Variants in RGPD3 observed in about 807,000 individuals in gnomAD.
RGPD3 encodes the protein RANBP2 like and GRIP domain containing 3.
Under a neutral mutation model 154.5 loss-of-function variants are expected in RGPD3, and 62 were observed. That is an observed-to-expected ratio of 0.40 (90% confidence interval 0.33 to 0.50). RGPD3 has a LOEUF of 0.50. RGPD3 is among the 20% of genes least tolerant of loss of function. The pLI, the probability that RGPD3 is intolerant of heterozygous loss-of-function variation, is 0.59. For missense variants in RGPD3, 919 were observed against 1,716.8 expected (o/e 0.54, Z 8.21); for synonymous variants, 308 against 607.0 (o/e 0.51, Z 7.24).
chr2:106,406,590 TAAAG>T (rs1676521668), intron 22 of RGPD3, among the ~76,000 whole-genome samples: 2 of 149,098 alleles, frequency 1.3e-5, no homozygotes, highest in Non-Finnish European at 3.0e-5. Flanking sequence ...TTAGCAATTT[TAAAG>T]AAAGTTTCTA....
At chr2:106,469,943 G>T (rs563992399), upstream of RGPD3, among the ~76,000 whole-genome samples, 4 of 151,990 alleles carry the variant, frequency 2.6e-5, no homozygotes, top group East Asian at 5.8e-4. Context: ...GCATTCAGAA[G>T]AAAACCACCT....
chr2:106,413,185 A>T lies in RGPD3; in HGVS notation c.5165T>A (p.Phe1722Tyr). ...CTCTCTTTCACTACCTGGCTTCAAG[A>T]AAATGAACTGCAGCAAGACGTTCTT... ...HLKNVLLQFI[F>Y]LKPGSERERL... The change falls in exon 22 of 23, where the codon TTC becomes TAC. Residue 1722 changes from phenylalanine to tyrosine, a missense_variant. Transcript: ENST00000409886. The T allele has an allele frequency of 6.2e-7, 1 of 1,611,976 alleles. No homozygotes were observed. Among genetic ancestry groups the T allele is most frequent in the Non-Finnish European group, 8.5e-7 (1 of 1,179,858 alleles).
Position 106,432,930 on chromosome 2 carries a change from C to CT in RGPD3, c.2469+4dup. 6.3e-7 allele frequency: 1 copy of CT among 1,590,842 alleles called. No homozygotes were observed. Among genetic ancestry groups the CT allele is most frequent in the Non-Finnish European group, 8.5e-7 (1 of 1,173,804 alleles). Reference sequence around the variant, plus strand: ...AAGTACAGCTAGAGAAATTAAGTGACTTACCTTAATGGCCTTTACTTCTTG... The same window carrying CT: ...AAGTACAGCTAGAGAAATTAAGTGACTTTACCTTAATGGCCTTTACTTCTTG... On this transcript the variant is annotated splice_donor_region_variant and intron_variant, in intron 17 of 22. Transcript: ENST00000409886.
upstream of RGPD3, chr2:106,468,430 G>T: frequency 1.3e-6 from 2 of 1,484,084 alleles, no homozygotes; most frequent in South Asian, 1.2e-5. Context: ...CTTGTGTCCT[G>T]CGTCAACAGT....
intron 20 of RGPD3, among the ~76,000 whole-genome samples, chr2:106,420,771 T>G (rs1676959099): frequency 1.3e-5 from 2 of 152,240 alleles, no homozygotes; most frequent in Non-Finnish European, 2.9e-5. Context: ...ACTAGAAAAT[T>G]TATTTATTTA....
chr2:106,410,571 T>G (rs1676638908), intron 22 of RGPD3, among the ~76,000 whole-genome samples: 1 of 152,186 alleles, frequency 6.6e-6, no homozygotes, highest in Admixed American at 6.5e-5. Flanking sequence ...TATTTTGAGA[T>G]AATATCATTG....
chr2:106,410,272 C>T (rs1360487510), intron 22 of RGPD3, among the ~76,000 whole-genome samples: 2 of 152,272 alleles, frequency 1.3e-5, no homozygotes, highest in African/African-American at 4.8e-5. Context: ...TATGTACTCA[C>T]ATTGATAAGA....
intron 2 of RGPD3, among the ~76,000 whole-genome samples, chr2:106,458,336 G>T (rs1678297012): frequency 6.6e-6 from 1 of 151,460 alleles, no homozygotes; most frequent in South Asian, 2.1e-4. Context: ...AGGTACAAGA[G>T]TTAACAGTCA....
chr2:106,468,217 C>A lies in RGPD3; in HGVS notation c.72G>T (p.Lys24Asn), dbSNP rs1400848939. The change falls in exon 1 of 23, where the codon AAG (lysine) becomes AAT (asparagine). Residue 24 changes from lysine (K) to asparagine (N), a missense_variant and splice_region_variant. Lys to Asn is a moderately conservative substitution (Grantham distance 94). Coordinates refer to ENST00000409886, the MANE Select transcript of RGPD3 (RefSeq NM_001144013.2). ...SVQGSAPSPR[K>N]KSTRGFYFAK... Reference sequence around the variant, plus strand: ...GTCGGTCTCTTCCAGACCCACTCACCTTTCGAGGCGACGGGGCGGAGCCCT... The same window carrying A: ...GTCGGTCTCTTCCAGACCCACTCACATTTCGAGGCGACGGGGCGGAGCCCT... The A allele has an allele frequency of 3.1e-6, 5 of 1,604,964 alleles. No individual in the cohort carries two copies. Among genetic ancestry groups the A allele is most frequent in the Non-Finnish European group, 4.2e-6 (5 of 1,176,918 alleles).
Position 106,468,339 on chromosome 2 carries a change from C to A in RGPD3, c.-51G>T. ...TGCGTGAGACCAGCGCTCAGCCCCG[C>A]AGCAGTCGCCAATTCCAAGAGGAAA... On this transcript the variant is annotated 5_prime_UTR_variant, in exon 1 of 23. Coordinates refer to ENST00000409886, the MANE Select transcript of RGPD3 (RefSeq NM_001144013.2). 6.4e-7 allele frequency: 1 copy of A among 1,564,144 alleles called. No individual in the cohort carries two copies. The highest frequency in any genetic ancestry group is 8.7e-7 in the Non-Finnish European group (1 of 1,155,490).
Position 106,423,806 on chromosome 2 carries a change from A to T in RGPD3, c.4161T>A (p.Asn1387Lys), listed in dbSNP as rs1158770627. ...RGIGDIKILQ[N>K]YDNKHVRILM... ...GTATACGAACGTGCTTATTATCATA[A>T]TTCTGTAAAATCTTTATATCACCAA... Residue 1387 changes from asparagine (N) to lysine (K), a missense_variant, in exon 20 of 23, where the codon AAT becomes AAA. Coordinates refer to ENST00000409886, the MANE Select transcript of RGPD3 (RefSeq NM_001144013.2). 1.2e-6 allele frequency: 2 copies of T among 1,611,986 alleles called. No individual in the cohort carries two copies. Among genetic ancestry groups the T allele is most frequent in the East Asian group, 4.5e-5 (2 of 44,878 alleles).
At chr2:106,466,971 C>T (rs1384353847) in intron 1 of RGPD3, among the ~76,000 whole-genome samples, 3 of 122,620 alleles carry the variant, frequency 2.4e-5, no homozygotes, top group Admixed American at 8.4e-5. Flanking sequence ...TCGAGGCCGC[C>T]GCAGGGCCAG....
At chr2:106,422,968 C>T in intron 20 of RGPD3, 75 bp downstream of exon 20, 1 of 1,596,568 alleles carries the variant, frequency 6.3e-7, no homozygotes, top group Non-Finnish European at 8.5e-7. Context: ...CATTAGTATC[C>T]CACAAAGAGT....
chr2:106,417,843 A>C (rs763534632), intron 20 of RGPD3, among the ~76,000 whole-genome samples: 3,498 of 132,698 alleles, frequency 0.026, 51 homozygotes, highest in African/African-American at 0.039. Context: ...AAATTTAGTC[A>C]TCAAGGCCGG....
intron 22 of RGPD3, among the ~76,000 whole-genome samples, chr2:106,410,929 C>T (rs1296934895): frequency 3.3e-5 from 5 of 151,796 alleles, no homozygotes; most frequent in African/African-American, 9.7e-5. Context: ...GTATTGAGAA[C>T]ATTCCTCCTT....
intron 6 of RGPD3, among the ~76,000 whole-genome samples, chr2:106,449,392 G>A (rs1678038505): frequency 7.0e-6 from 1 of 142,966 alleles, no homozygotes; most frequent in Non-Finnish European, 1.5e-5. Flanking sequence ...CTTGAACCTG[G>A]GAAGCAGAGG....
intron 15 of RGPD3, 27 bp downstream of exon 15, chr2:106,434,201 A>T: frequency 1.3e-6 from 2 of 1,587,536 alleles, no homozygotes; most frequent in Middle Eastern, 4.7e-4. Flanking sequence ...ATCAGTAAGA[A>T]CGTACATACA....
intron 11 of RGPD3, 57 bp from the exon 12 acceptor site, chr2:106,436,303 C>T (rs375949642): frequency 7.3e-5 from 117 of 1,610,792 alleles, no homozygotes; most frequent in South Asian, 3.2e-4. Context: ...TCAGCGCTTA[C>T]ATACATATAT....
intron 21 of RGPD3, among the ~76,000 whole-genome samples, chr2:106,414,659 T>G (rs972487302): frequency 5.9e-5 from 9 of 151,496 alleles, no homozygotes; most frequent in African/African-American, 2.2e-4. Context: ...ATAAGTCATT[T>G]AGGTTTACTG....
Sources: gnomAD v4.1 joint callset for allele counts (sites outside exome capture counted in the v4.1 genomes callset) on GRCh38, gnomAD v4.1.1 for gene constraint, MANE v1.5 for transcripts, NCBI Gene and HGNC (gene_info 2026-07-23, HGNC 2026-07-21) for gene names.